The following GRM8 variants were observed in gnomAD, a reference collection of about 807,000 sequenced individuals.
GRM8 encodes metabotropic glutamate receptor 8.
GRM8 carries 47 observed loss-of-function variants against 87.2 expected under a neutral mutation model. That is an observed-to-expected ratio of 0.54 (90% CI 0.43 to 0.69). The LOEUF (loss-of-function observed/expected upper bound fraction) is 0.69. Among genes scored for constraint, GRM8 ranks in the 30% least tolerant of loss-of-function variants. The pLI, the probability that GRM8 is intolerant of heterozygous loss-of-function variation, is 0.00. For synonymous variants in GRM8, 396 were observed against 404.5 expected (o/e 0.98, Z 0.25); for missense variants, 1,019 against 1,139.2 (o/e 0.89, Z 1.52).
intron 3 of GRM8, among the ~76,000 whole-genome samples, chr7:126,948,617 G>A (rs1257464810): frequency 6.6e-6 from 1 of 151,912 alleles, no homozygotes; most frequent in Non-Finnish European, 1.5e-5. Context: ...AAGATGAGAG[G>A]ACCCAGTTAG....
At position 127,025,651 on chromosome 7, in the gene GRM8, A is replaced by AT. The variant is rs558869634; in HGVS notation, c.727+80844dup. ...TCCTGTATCTTCAATATTTACATTT[A>AT]TTTTTTTTCAAGTTGTGTACCACTC... On this transcript the variant is annotated intron_variant, in intron 3 of 10. Coordinates refer to ENST00000339582, the MANE Select transcript of GRM8 (RefSeq NM_000845.3). Among the ~76,000 whole-genome samples the AT allele has an allele frequency of 2.0e-4, 30 of 151,552 alleles. No homozygotes were observed. The South Asian group carries it at 4.6e-3, about 23-fold the overall frequency.
chr7:126,520,025 T>C (rs1422632038), intron 9 of GRM8, among the ~76,000 whole-genome samples: 1 of 151,638 alleles, frequency 6.6e-6, no homozygotes, highest in Non-Finnish European at 1.5e-5. Flanking sequence ...GGAAATAAAA[T>C]AGACACTGAG....
At chr7:126,948,139 G>A (rs558137470) in intron 3 of GRM8, among the ~76,000 whole-genome samples, 4 of 152,122 alleles carry the variant, frequency 2.6e-5, no homozygotes, top group East Asian at 1.9e-4. Flanking sequence ...CTCACAGCTC[G>A]GTGGAAGTAA....
intron 6 of GRM8, among the ~76,000 whole-genome samples, chr7:126,824,677 T>C (rs1794601051): frequency 6.6e-6 from 1 of 152,256 alleles, no homozygotes; most frequent in African/African-American, 2.4e-5. Flanking sequence ...CCCAAAAGTA[T>C]ATGATTCTTC....
intron 3 of GRM8, among the ~76,000 whole-genome samples, chr7:127,096,999 A>C (rs535110402): frequency 1.3e-5 from 2 of 152,268 alleles, no homozygotes; most frequent in South Asian, 2.1e-4. Flanking sequence ...CATTACTAAC[A>C]CAACTAGGAA....
chr7:127,012,137 G>A (rs1312192180), intron 3 of GRM8, among the ~76,000 whole-genome samples: 1 of 152,104 alleles, frequency 6.6e-6, no homozygotes, highest in East Asian at 1.9e-4. Context: ...GGCTAACTCT[G>A]TTTCCTCTGC....
At chr7:126,678,209 G>GT (rs1807193563) in intron 7 of GRM8, among the ~76,000 whole-genome samples, 2 of 152,090 alleles carry the variant, frequency 1.3e-5, no homozygotes, top group African/African-American at 4.8e-5. Context: ...CTGAAGGTTA[G>GT]GATTTACGCA....
chr7:127,111,433 A>G (rs1826338639), intron 2 of GRM8, among the ~76,000 whole-genome samples: 2 of 152,154 alleles, frequency 1.3e-5, no homozygotes, highest in East Asian at 3.8e-4. Flanking sequence ...GAACGTGACT[A>G]CATTTCCTGG....
intron 10 of GRM8, among the ~76,000 whole-genome samples, chr7:126,440,643 G>A (rs902708930): frequency 1.3e-5 from 2 of 151,910 alleles, no homozygotes; most frequent in Admixed American, 6.6e-5. Context: ...CATTACAACT[G>A]TGTACACAAT....
chr7:127,119,645 T>C (rs1285901032), intron 2 of GRM8, among the ~76,000 whole-genome samples: 1 of 152,164 alleles, frequency 6.6e-6, no homozygotes. Flanking sequence ...TATAGATTGC[T>C]TAGGAAAAGC....
chr7:126,515,801 C>T (rs1311686856), intron 9 of GRM8, among the ~76,000 whole-genome samples: 1 of 151,978 alleles, frequency 6.6e-6, no homozygotes, highest in Non-Finnish European at 1.5e-5. Context: ...AGGATAACCT[C>T]CTTATTTTAA....
intron 5 of GRM8, among the ~76,000 whole-genome samples, chr7:126,903,549 C>T (rs2131217154): frequency 7.3e-6 from 1 of 136,222 alleles, no homozygotes; most frequent in Admixed American, 7.7e-5. Flanking sequence ...ATAATGGGTC[C>T]TCTTTCCTAA....
chr7:126,661,120 A>G (rs768051546), intron 7 of GRM8, among the ~76,000 whole-genome samples: 13 of 152,240 alleles, frequency 8.5e-5, no homozygotes, highest in Non-Finnish European at 1.6e-4. Context: ...ACTATAGTCA[A>G]CAATGACTTA....
chr7:126,988,012 A>G (rs2131918478), intron 3 of GRM8, among the ~76,000 whole-genome samples: 1 of 152,310 alleles, frequency 6.6e-6, no homozygotes, highest in East Asian at 1.9e-4. Context: ...GGTCCTCTCC[A>G]TCTTGGCACA....
intron 7 of GRM8, among the ~76,000 whole-genome samples, chr7:126,710,289 C>T (rs564028997): frequency 1.3e-5 from 2 of 152,094 alleles, no homozygotes; most frequent in Admixed American, 6.5e-5. Context: ...ATAAACGAGA[C>T]AACAATAAAG....
chr7:126,585,448 C>T (rs1335268549), intron 8 of GRM8, among the ~76,000 whole-genome samples: 2 of 152,098 alleles, frequency 1.3e-5, no homozygotes, highest in African/African-American at 4.8e-5. Context: ...TTTATGGATA[C>T]TATTTATAAA....
At chr7:127,174,180 T>C (rs1306717267) in intron 2 of GRM8, among the ~76,000 whole-genome samples, 1 of 152,188 alleles carries the variant, frequency 6.6e-6, no homozygotes, top group African/African-American at 2.4e-5. Context: ...GTACGTAATG[T>C]CCTGTCCATT....
chr7:126,792,674 T>C (rs1563192434), intron 6 of GRM8, among the ~76,000 whole-genome samples: 1 of 152,216 alleles, frequency 6.6e-6, no homozygotes, highest in Non-Finnish European at 1.5e-5. Flanking sequence ...CCATTGTTTT[T>C]CCAATGAAAG....
intron 9 of GRM8, among the ~76,000 whole-genome samples, chr7:126,470,277 G>C (rs6976241): frequency 6.6e-6 from 1 of 150,660 alleles, no homozygotes; most frequent in Non-Finnish European, 1.5e-5. Flanking sequence ...GCCATGCTGG[G>C]GTGCTGCACC....
Sources: allele counts gnomAD v4.1 joint callset (sites outside exome capture counted in the v4.1 genomes callset), GRCh38; gene constraint gnomAD v4.1.1; transcripts MANE v1.5; gene names NCBI Gene and HGNC (gene_info 2026-07-23, HGNC 2026-07-21).